Variants in ITCH observed in about 807,000 individuals in gnomAD.
ITCH encodes the protein E3 ubiquitin-protein ligase Itchy homolog.
A neutral mutation model predicts 126.8 loss-of-function variants in ITCH; 28 were observed. The observed-to-expected ratio is 0.22, with a 90% confidence interval of 0.16 to 0.30. The LOEUF (loss-of-function observed/expected upper bound fraction) is 0.30. Ranked by LOEUF, ITCH falls within the 10% of genes least tolerant of loss-of-function variation. The pLI is 1.00. For synonymous variants in ITCH, 342 were observed against 340.0 expected, an observed-to-expected ratio of 1.01 and a Z score of -0.06; for missense variants, 631 against 1,032.4, an observed-to-expected ratio of 0.61 and a Z score of 5.33.
At chr20:34,488,273 T>C (rs1167298826) in intron 20 of ITCH, among the ~76,000 whole-genome samples, 1 of 152,000 alleles carries the variant, frequency 6.6e-6, no homozygotes, top group African/African-American at 2.4e-5. Flanking sequence ...GAAAACATCT[T>C]TATTTCACCT....
rs11167236 is a variant in ITCH at position 34,503,885 on chromosome 20, G to GTT, written c.2417-433_2417-432dup. Among the ~76,000 whole-genome samples, 36 of 109,618 alleles carry GTT rather than the reference G, an allele frequency of 3.3e-4. 1 individual carries two copies. Among genetic ancestry groups the GTT allele is most frequent in the African/African-American group, 9.7e-4 (28 of 28,738 alleles). 71.9% of individuals were successfully genotyped at this position (109,618 alleles called of 152,430 possible). A position where few individuals can be genotyped will look rare whatever the true frequency, so the allele number is the denominator to read the frequency against. On this transcript the variant is annotated intron_variant, in intron 23 of 24. Coordinates refer to ENST00000374864, the MANE Select transcript of ITCH (RefSeq NM_031483.7). ...TTTTTTTTTGGTTTTTTTTTTTTTG[G>GTT]TTTTTTTTTTTTTTGAGATAGGGTC...
chr20:34,463,679 T>G (rs983479272), intron 14 of ITCH, among the ~76,000 whole-genome samples: 1 of 152,072 alleles, frequency 6.6e-6, no homozygotes, highest in African/African-American at 2.4e-5. Flanking sequence ...CATTGTGGTT[T>G]TTCTTTGTAT....
chr20:34,446,343 A>C (rs1363385227), intron 11 of ITCH, among the ~76,000 whole-genome samples: 2 of 152,160 alleles, frequency 1.3e-5, no homozygotes, highest in Non-Finnish European at 2.9e-5. Context: ...CATCAGAGTA[A>C]AACAGCACCT....
intron 7 of ITCH, among the ~76,000 whole-genome samples, chr20:34,437,871 C>G (rs1023331154): frequency 1.3e-5 from 2 of 152,164 alleles, no homozygotes; most frequent in African/African-American, 2.4e-5. Flanking sequence ...CCTTTCTATC[C>G]CTCCAGTTGA....
At chr20:34,455,175 A>G (rs1382641679) in intron 12 of ITCH, among the ~76,000 whole-genome samples, 2 of 152,212 alleles carry the variant, frequency 1.3e-5, no homozygotes, top group African/African-American at 2.4e-5. Context: ...AAAATTAGCC[A>G]TGTCAACATG....
intron 24 of ITCH, among the ~76,000 whole-genome samples, chr20:34,507,263 GTTTTTTTTTTTTTT>G (rs776161631): frequency 2.6e-5 from 1 of 39,180 alleles, no homozygotes; most frequent in African/African-American, 1.1e-4. Context: ...GTTTTCTTCT[GTTTTTTTTTTTTTT>G]TTTTTTTTTT....
intron 20 of ITCH, among the ~76,000 whole-genome samples, chr20:34,485,745 C>A (rs190765152): frequency 1.3e-5 from 2 of 152,236 alleles, no homozygotes; most frequent in Non-Finnish European, 2.9e-5. Context: ...TACAGTGGCA[C>A]GATCAGAGCT....
intron 3 of ITCH, among the ~76,000 whole-genome samples, chr20:34,406,328 T>A (rs1410160613): frequency 6.6e-6 from 1 of 151,886 alleles, no homozygotes; most frequent in Non-Finnish European, 1.5e-5. Flanking sequence ...CCATGCTTGA[T>A]CTTGTCTATT....
chr20:34,440,176 C>T lies in ITCH; in HGVS notation c.701C>T (p.Ser234Phe). Residue 234 changes from serine to phenylalanine, a missense_variant, in exon 9 of 25, where the codon TCT becomes TTT. Transcript: ENST00000374864. ...ATAGCATCTGTCAATGGTTCACCAT[C>T]TGCCACTTCTGAAAGTGATGGGTCT... is the stretch of plus-strand genomic sequence containing the variant. Reference protein sequence around the residue: ...RRPASVNGSPSATSESDGSST... With the variant: ...RRPASVNGSPFATSESDGSST... 1 of 1,613,012 alleles carries T rather than the reference C, an allele frequency of 6.2e-7. No individual in the cohort carries two copies. Among genetic ancestry groups the T allele is most frequent in the Non-Finnish European group, 8.5e-7 (1 of 1,178,976 alleles).
intron 1 of ITCH, among the ~76,000 whole-genome samples, chr20:34,365,294 A>G (rs1206727424): frequency 6.6e-6 from 1 of 152,200 alleles, no homozygotes; most frequent in Non-Finnish European, 1.5e-5. Flanking sequence ...AAGGAATTCC[A>G]TTACATTCAG....
At chr20:34,489,629 A>C (rs763489708) in intron 21 of ITCH, among the ~76,000 whole-genome samples, 193 bp from the exon 22 acceptor site, 1 of 151,908 alleles carries the variant, frequency 6.6e-6, no homozygotes, top group Non-Finnish European at 1.5e-5. Flanking sequence ...ACTTCCCTGA[A>C]TATGTATATG....
chr20:34,477,310 C>T (rs1324782655), intron 16 of ITCH, among the ~76,000 whole-genome samples: 1 of 152,194 alleles, frequency 6.6e-6, no homozygotes, highest in African/African-American at 2.4e-5. Flanking sequence ...GCCGGTGGAT[C>T]ACCTGAGGTC....
intron 4 of ITCH, among the ~76,000 whole-genome samples, chr20:34,409,415 A>C (rs1978660694): frequency 6.6e-6 from 1 of 151,946 alleles, no homozygotes; most frequent in South Asian, 2.1e-4. Flanking sequence ...TATTTTTTGA[A>C]TGAGATGGGG....
At chr20:34,373,376 A>C (rs1214918675) in intron 2 of ITCH, among the ~76,000 whole-genome samples, 2 of 151,754 alleles carry the variant, frequency 1.3e-5, no homozygotes, top group African/African-American at 4.8e-5. Context: ...CCTGGGTTCA[A>C]GCCATTCTCC....
intron 18 of ITCH, 133 bp downstream of exon 18, chr20:34,479,922 A>G (rs941428637): frequency 1.2e-6 from 1 of 826,452 alleles, no homozygotes; most frequent in Non-Finnish European, 2.0e-6. Context: ...TTTTTGAGAC[A>G]GAGTCTTGCT....
intron 3 of ITCH, among the ~76,000 whole-genome samples, chr20:34,406,818 G>A (rs2039074515): frequency 6.6e-6 from 1 of 152,220 alleles, no homozygotes; most frequent in African/African-American, 2.4e-5. Context: ...ACAGGCGTGA[G>A]CCACCGCACC....
chr20:34,480,508 A>G (rs1988642172), intron 18 of ITCH, 91 bp from the exon 19 acceptor site: 1 of 1,456,360 alleles, frequency 6.9e-7, no homozygotes, highest in African/African-American at 1.4e-5. Context: ...GACCCAGGGA[A>G]GTGTTTTTAA....
chr20:34,392,947 A>G (rs2038538028), intron 2 of ITCH, among the ~76,000 whole-genome samples: 1 of 152,180 alleles, frequency 6.6e-6, no homozygotes. Context: ...AAATAAGTAA[A>G]TAAAGTTGCT....
At chr20:34,466,533 A>G (rs1022413149) in intron 14 of ITCH, 2 of 454,784 alleles carry the variant, frequency 4.4e-6, no homozygotes, top group South Asian at 1.7e-5. Flanking sequence ...AGATATGGGA[A>G]TAAATTACCG....
Sources: gnomAD v4.1 joint callset for allele counts (sites outside exome capture counted in the v4.1 genomes callset) on GRCh38, gnomAD v4.1.1 for gene constraint, MANE v1.5 for transcripts, NCBI Gene and HGNC (gene_info 2026-07-23, HGNC 2026-07-21) for gene names.